Variants in C12orf56 observed in about 807,000 individuals in gnomAD.
C12orf56 encodes the protein uncharacterized protein C12orf56.
A neutral mutation model predicts 69.9 loss-of-function variants in C12orf56; 71 were observed. The observed-to-expected ratio is 1.02, with a 90% confidence interval of 0.84 to 1.24. The LOEUF (loss-of-function observed/expected upper bound fraction) is 1.24. Among genes scored for constraint, C12orf56 ranks in the 50% most tolerant of loss-of-function variants. The pLI, the probability that C12orf56 is intolerant of heterozygous loss-of-function variation, is 0.00. For synonymous variants in C12orf56, 276 were observed against 274.1 expected (o/e 1.01, Z -0.07); for missense variants, 732 against 738.5 (o/e 0.99, Z 0.10).
In C12orf56 at chr12:64,284,692, A is replaced by T; in HGVS notation, c.1282T>A (p.Ser428Thr). The change falls in exon 8 of 13, where the codon TCA becomes ACA. Residue 428 changes from serine (S) to threonine (T), a missense_variant. By Grantham distance (58) the Ser-to-Thr change is moderately conservative. Transcript: ENST00000543942. ...LMFRETETES[S>T]RLNTLAAKKG... ...TTAGCTGCCAATGTGTTCAGGCGTG[A>T]TGACTCGGTTTCTGTTTCTCTGAAC... The T allele has an allele frequency of 2.5e-6, 4 of 1,612,650 alleles. No individual in the cohort carries two copies. The highest frequency in any genetic ancestry group is 3.4e-6 in the Non-Finnish European group (4 of 1,179,458).
At chr12:64,282,560 G>A (rs1019455755) in intron 8 of C12orf56, among the ~76,000 whole-genome samples, 1 of 151,212 alleles carries the variant, frequency 6.6e-6, no homozygotes, top group Admixed American at 6.6e-5. Context: ...GATCACTTGA[G>A]CCCAGGAGTT....
intron 2 of C12orf56, among the ~76,000 whole-genome samples, chr12:64,336,320 G>T (rs1229027970): frequency 6.6e-6 from 1 of 152,142 alleles, no homozygotes; most frequent in African/African-American, 2.4e-5. Context: ...GGGGGCAAGT[G>T]TTATTCTATG....
intron 5 of C12orf56, among the ~76,000 whole-genome samples, chr12:64,305,851 T>C (rs1263624861): frequency 6.6e-6 from 1 of 152,188 alleles, no homozygotes; most frequent in Non-Finnish European, 1.5e-5. Flanking sequence ...CTCTATTCTC[T>C]GAGAACTCCA....
chr12:64,269,171 G>T (rs771004710), intron 12 of C12orf56, among the ~76,000 whole-genome samples: 5 of 150,684 alleles, frequency 3.3e-5, no homozygotes, highest in Non-Finnish European at 5.9e-5. Context: ...TTGGACTGTA[G>T]TTTTTTTTTA....
chr12:64,360,368 T>C (rs1202948346), intron 1 of C12orf56, among the ~76,000 whole-genome samples: 1 of 152,114 alleles, frequency 6.6e-6, no homozygotes, highest in East Asian at 1.9e-4. Flanking sequence ...GAGGTTGCAG[T>C]GAGCCAAGAT....
rs375684639 is a variant in C12orf56 at position 64,283,790 on chromosome 12, G to GA, written c.1310+873dup. The stretch of plus-strand genomic sequence containing the variant: ...TAGCAGGCAACAGAGTAACAAAGGG[G>GA]AAAAAACCTAGGTCCCTGGCTCACC... On this transcript the variant is annotated intron_variant, in intron 8 of 12. Transcript: ENST00000543942. 1.1e-4 allele frequency among the ~76,000 whole-genome samples: 17 copies of GA among 151,978 alleles called. 1 individual carries two copies. The highest frequency in any genetic ancestry group is 3.6e-4 in the African/African-American group (15 of 41,464).
intron 1 of C12orf56, among the ~76,000 whole-genome samples, chr12:64,383,398 G>A (rs2039747194): frequency 6.6e-6 from 1 of 150,774 alleles, no homozygotes; most frequent in Non-Finnish European, 1.5e-5. Context: ...TTTTTTTTGA[G>A]ACAGAGTCTT....
chr12:64,271,200 C>CAG (rs1565732309), intron 11 of C12orf56, among the ~76,000 whole-genome samples: 3 of 150,780 alleles, frequency 2.0e-5, no homozygotes, highest in Non-Finnish European at 3.0e-5. Flanking sequence ...GGGCACTGTG[C>CAG]CTCATCTGTA....
At chr12:64,328,171 A>G (rs1170952535) in intron 3 of C12orf56, among the ~76,000 whole-genome samples, 2 of 152,118 alleles carry the variant, frequency 1.3e-5, no homozygotes, top group Admixed American at 6.6e-5. Context: ...ATGGGCCACC[A>G]TGGGTTTGTG....
chr12:64,280,102 T>A (rs2038102617), intron 8 of C12orf56, among the ~76,000 whole-genome samples: 1 of 152,150 alleles, frequency 6.6e-6, no homozygotes, highest in African/African-American at 2.4e-5. Flanking sequence ...TAATGAAATC[T>A]CCACTCATGA....
intron 2 of C12orf56, among the ~76,000 whole-genome samples, chr12:64,341,007 T>A (rs912327083): frequency 6.6e-6 from 1 of 152,216 alleles, no homozygotes. Context: ...TACTCTTTCT[T>A]AACTCCATTG....
At chr12:64,379,570 G>A (rs1032409463) in intron 1 of C12orf56, among the ~76,000 whole-genome samples, 2 of 151,636 alleles carry the variant, frequency 1.3e-5, no homozygotes. Flanking sequence ...ACAGGTGTGA[G>A]CCACCGCGCC....
intron 5 of C12orf56, among the ~76,000 whole-genome samples, chr12:64,312,394 G>A (rs1347638236): frequency 1.3e-5 from 2 of 152,014 alleles, no homozygotes; most frequent in African/African-American, 4.8e-5. Context: ...ATCACCTGAG[G>A]TCAGTCCAAT....
intron 1 of C12orf56, among the ~76,000 whole-genome samples, chr12:64,368,212 C>A (rs903000865): frequency 6.6e-6 from 1 of 152,134 alleles, no homozygotes; most frequent in Non-Finnish European, 1.5e-5. Flanking sequence ...AAGTAATACT[C>A]CCACCTCAGC....
chr12:64,316,453 G>C (rs972669574), intron 4 of C12orf56, among the ~76,000 whole-genome samples: 12 of 152,128 alleles, frequency 7.9e-5, no homozygotes, highest in Non-Finnish European at 1.6e-4. Context: ...GAGTGCAGTA[G>C]TGTGCAGCAG....
At chr12:64,339,485 T>C (rs764047542) in intron 2 of C12orf56, among the ~76,000 whole-genome samples, 25 of 152,168 alleles carry the variant, frequency 1.6e-4, no homozygotes, top group Non-Finnish European at 3.2e-4. Flanking sequence ...TGCACCACTG[T>C]CCCAAGAACT....
At chr12:64,287,256 AAAAAAAAGAAGAAGAAG>A (rs1335066302) in intron 6 of C12orf56, among the ~76,000 whole-genome samples, 4 of 142,958 alleles carry the variant, frequency 2.8e-5, no homozygotes, top group African/African-American at 1.0e-4. Flanking sequence ...AAAAAAAAAA[AAAAAAAAGAAGAAGAAG>A]AAGAAGAAGA....
chr12:64,270,213 T>C (rs915429919), intron 12 of C12orf56, among the ~76,000 whole-genome samples: 1 of 151,560 alleles, frequency 6.6e-6, no homozygotes, highest in African/African-American at 2.4e-5. Flanking sequence ...CTGACCAACA[T>C]GGTGAAACCC....
At chr12:64,372,827 G>A (rs1395138628) in intron 1 of C12orf56, among the ~76,000 whole-genome samples, 1 of 152,018 alleles carries the variant, frequency 6.6e-6, no homozygotes, top group Non-Finnish European at 1.5e-5. Context: ...GCTCTACTAA[G>A]TCCCTATTTG....
Sources: gnomAD v4.1 joint callset for allele counts (sites outside exome capture counted in the v4.1 genomes callset) on GRCh38, gnomAD v4.1.1 for gene constraint, MANE v1.5 for transcripts, NCBI Gene and HGNC (gene_info 2026-07-23, HGNC 2026-07-21) for gene names.